The following CPED1 variants were observed in gnomAD, a reference collection of about 807,000 sequenced individuals.
The protein encoded by CPED1 is cadherin like and PC-esterase domain containing 1.
A neutral mutation model predicts 128.2 loss-of-function variants in CPED1; 114 were observed. The observed-to-expected ratio is 0.89, with a 90% CI of 0.76 to 1.04. CPED1 has a LOEUF of 1.04. CPED1 is among the 50% of genes least tolerant of loss of function. CPED1 has a pLI of 0.00. For missense variants in CPED1, 1,211 were observed against 1,207.1 expected, an observed-to-expected ratio of 1.00 and a Z score of -0.05; for synonymous variants, 462 against 426.7, an observed-to-expected ratio of 1.08 and a Z score of -1.02.
intron 7 of CPED1, among the ~76,000 whole-genome samples, chr7:121,117,698 C>T (rs1291885511): frequency 6.6e-6 from 1 of 152,046 alleles, no homozygotes; most frequent in Admixed American, 6.5e-5. Context: ...CCAAGGGGCT[C>T]AGAGGCACAT....
chr7:121,198,018 T>A (rs1447006665), intron 16 of CPED1, among the ~76,000 whole-genome samples: 2 of 152,184 alleles, frequency 1.3e-5, no homozygotes, highest in Non-Finnish European at 2.9e-5. Flanking sequence ...GAAATGTGTT[T>A]CAAAGTTTAA....
Position 121,127,159 on chromosome 7 carries a change from C to T in CPED1, c.1204C>T (p.Leu402Phe). The change falls in exon 10 of 23, where the codon CTT becomes TTT. Residue 402 changes from leucine (L) to phenylalanine (F), a missense_variant. Coordinates refer to ENST00000310396, the MANE Select transcript of CPED1 (RefSeq NM_024913.5). Reference protein sequence around the residue: ...DFEDQNTEEFLLNDTFNFLFP... With the variant: ...DFEDQNTEEFFLNDTFNFLFP... ...TGAGGACCAAAATACAGAAGAATTCCTTTTAAATGACACTTTCAATTTTCT... is the reference window on the plus strand; with the variant it reads ...TGAGGACCAAAATACAGAAGAATTCTTTTTAAATGACACTTTCAATTTTCT... 1 of 1,595,700 alleles carries T rather than the reference C, an allele frequency of 6.3e-7. No individual in the cohort carries two copies.
intron 16 of CPED1, among the ~76,000 whole-genome samples, chr7:121,213,800 G>A (rs1224117449): frequency 1.3e-5 from 2 of 151,976 alleles, no homozygotes; most frequent in African/African-American, 2.4e-5. Context: ...ATCTTCCCCA[G>A]TTTCTTCTAA....
chr7:121,255,370 T>TA (rs895394978), intron 18 of CPED1, among the ~76,000 whole-genome samples: 14 of 152,080 alleles, frequency 9.2e-5, no homozygotes, highest in African/African-American at 2.6e-4. Flanking sequence ...TCCTTCATGA[T>TA]AAAAAACTCT....
intron 7 of CPED1, among the ~76,000 whole-genome samples, chr7:121,101,873 C>T (rs1026899351): frequency 6.6e-6 from 1 of 152,104 alleles, no homozygotes; most frequent in African/African-American, 2.4e-5. Flanking sequence ...TGATCCACAC[C>T]TGCAACCCAA....
chr7:121,205,233 C>G (rs1054376013), intron 16 of CPED1, among the ~76,000 whole-genome samples: 2 of 151,864 alleles, frequency 1.3e-5, no homozygotes, highest in African/African-American at 4.8e-5. Flanking sequence ...AAATACTGTC[C>G]TTTATTAATC....
At chr7:121,036,216 A>G (rs923376833) in intron 3 of CPED1, among the ~76,000 whole-genome samples, 9 of 151,932 alleles carry the variant, frequency 5.9e-5, no homozygotes, top group African/African-American at 1.9e-4. Context: ...ATTTTGGTGC[A>G]CCCATCACCC....
At chr7:121,101,093 TGATTTCTTA>T (rs1352204413) in intron 7 of CPED1, among the ~76,000 whole-genome samples, 1 of 152,152 alleles carries the variant, frequency 6.6e-6, no homozygotes, top group Non-Finnish European at 1.5e-5. Flanking sequence ...TGTTTTCCTA[TGATTTCTTA>T]GACTTTTCAA....
chr7:121,147,672 C>T (rs774212574), intron 16 of CPED1, among the ~76,000 whole-genome samples: 1 of 151,868 alleles, frequency 6.6e-6, no homozygotes, highest in African/African-American at 2.4e-5. Context: ...AAATGTTGCA[C>T]CAGAATAGGG....
chr7:121,271,156 G>T (rs1792220767), intron 21 of CPED1, 128 bp from the exon 22 acceptor site: 4 of 625,582 alleles, frequency 6.4e-6, no homozygotes, highest in Non-Finnish European at 1.0e-5. Flanking sequence ...AAATGCATGT[G>T]AAGTTCCTTA....
At chr7:121,120,813 A>G (rs557282656) in intron 7 of CPED1, among the ~76,000 whole-genome samples, 1 of 152,134 alleles carries the variant, frequency 6.6e-6, no homozygotes, top group African/African-American at 2.4e-5. Flanking sequence ...GAGGAAAGTG[A>G]TGTTACCCAG....
chr7:121,145,621 G>T (rs186293485), intron 16 of CPED1, among the ~76,000 whole-genome samples: 41 of 152,138 alleles, frequency 2.7e-4, no homozygotes, highest in Admixed American at 4.6e-4. Flanking sequence ...TCAACAGCAG[G>T]GGTAAAATTT....
At position 121,199,686 on chromosome 7, in the gene CPED1, A is replaced by AG. The variant is rs1459616372; in HGVS notation, c.2056-37028_2056-37027insG. ...GTGAGACTCCATCAAAAAAAAAAAA[A>AG]AAAAAAAAAAAAAAGAAAGAAAGAA... On this transcript the variant is annotated intron_variant, in intron 16 of 22. Transcript: ENST00000310396. 5.6e-4 allele frequency among the ~76,000 whole-genome samples: 70 copies of AG among 124,754 alleles called. 1 individual carries two copies. The highest frequency in any genetic ancestry group is 3.8e-3 in the Middle Eastern group (1 of 262). 81.8% of individuals were successfully genotyped at this position (124,754 alleles called of 152,430 possible). A position where few individuals can be genotyped will look rare whatever the true frequency, so the allele number is the denominator to read the frequency against.
rs150453350 is a variant in CPED1, at chr7:121,124,438, T to C, written c.1026T>C (p.Ser342=). The C allele has an allele frequency of 1.9e-6, 3 of 1,596,770 alleles. No individual in the cohort carries two copies. The highest frequency in any genetic ancestry group is 2.6e-6 in the Non-Finnish European group (3 of 1,170,098). ...TACTGCTAGCGGCTGAAGTATTCAG[T>C]GAAACATCTACTCTGGGACCAAAGA... ...GKLLLAAEVF[S]ETSTLGPKTF... Residue 342 remains serine (S), a synonymous_variant, in exon 8 of 23, where the codon AGT becomes AGC. Coordinates refer to ENST00000310396, the MANE Select transcript of CPED1 (RefSeq NM_024913.5).
chr7:121,193,610 G>A (rs1376576368), intron 16 of CPED1, among the ~76,000 whole-genome samples: 4 of 152,004 alleles, frequency 2.6e-5, no homozygotes, highest in Admixed American at 6.6e-5. Flanking sequence ...GCAAATGAAG[G>A]GCAGAGGAAA....
intron 16 of CPED1, among the ~76,000 whole-genome samples, chr7:121,174,964 G>GTA (rs1796742616): frequency 6.6e-6 from 1 of 151,970 alleles, no homozygotes; most frequent in Admixed American, 6.6e-5. Context: ...GTATTCCTGG[G>GTA]TAATTTATTT....
chr7:121,279,121 A>G (rs1792385519), intron 22 of CPED1, among the ~76,000 whole-genome samples: 1 of 152,100 alleles, frequency 6.6e-6, no homozygotes, highest in South Asian at 2.1e-4. Context: ...TACTGAATAC[A>G]CCTCCACCTT....
intron 12 of CPED1, among the ~76,000 whole-genome samples, chr7:121,130,946 A>T (rs543630704): frequency 6.6e-6 from 1 of 152,082 alleles, no homozygotes; most frequent in East Asian, 1.9e-4. Context: ...CTAGTTAGGG[A>T]AAAGGGGCAA....
chr7:121,270,376 C>G (rs1792208250), intron 21 of CPED1, among the ~76,000 whole-genome samples: 1 of 152,046 alleles, frequency 6.6e-6, no homozygotes, highest in South Asian at 2.1e-4. Context: ...CTGTGCATAG[C>G]TCTTTAGTTT....
Sources: allele counts gnomAD v4.1 joint callset (sites outside exome capture counted in the v4.1 genomes callset), GRCh38; gene constraint gnomAD v4.1.1; transcripts MANE v1.5; gene names NCBI Gene and HGNC (gene_info 2026-07-23, HGNC 2026-07-21).